The following SERPINB5 variants were observed in gnomAD, a reference collection of about 807,000 sequenced individuals.
SERPINB5 encodes serpin family B member 5, also known as serpin B5.
SERPINB5 carries 27 observed loss-of-function variants against 32.2 expected under a neutral mutation model. The observed-to-expected ratio is 0.84, with a 90% CI of 0.62 to 1.16. The LOEUF (loss-of-function observed/expected upper bound fraction) is 1.16. Ranked by LOEUF, SERPINB5 falls within the 50% of genes most tolerant of loss-of-function variation. The probability of loss-of-function intolerance (pLI) is 0.00; values close to 1 mark genes in which losing one functional copy is unlikely to be tolerated. For missense variants in SERPINB5, 388 were observed against 436.3 expected (o/e 0.89, Z 0.99); for synonymous variants, 154 against 157.4 (o/e 0.98, Z 0.16).
rs569614245 is a variant in SERPINB5 at position 63,504,103 on chromosome 18, T to C, written c.*381T>C. 4.5e-6 allele frequency: 1 copy of C among 221,702 alleles called. No individual in the cohort carries two copies. Among genetic ancestry groups the C allele is most frequent in the African/African-American group, 2.4e-5 (1 of 42,078 alleles). 13.7% of individuals were successfully genotyped at this position (221,702 alleles called of 1,614,324 possible). Reference sequence around the variant, plus strand: ...AGCACTATGCTTTCCTTCTTTGGGATAGAGAATGTTCCAGACATTCTCGCT... The same window carrying C: ...AGCACTATGCTTTCCTTCTTTGGGACAGAGAATGTTCCAGACATTCTCGCT... On this transcript the variant is annotated 3_prime_UTR_variant, in exon 7 of 7. Coordinates refer to ENST00000382771, the MANE Select transcript of SERPINB5 (RefSeq NM_002639.5).
At chr18:63,497,664 T>C (rs1055387232) in intron 5 of SERPINB5, among the ~76,000 whole-genome samples, 1 of 152,226 alleles carries the variant, frequency 6.6e-6, no homozygotes, top group African/African-American at 2.4e-5. Context: ...AACACCCATA[T>C]ACCGATCAAT....
At chr18:63,494,468 C>G (rs1467674135) in intron 5 of SERPINB5, among the ~76,000 whole-genome samples, 5 of 151,962 alleles carry the variant, frequency 3.3e-5, no homozygotes. Context: ...TGGGTGGGAT[C>G]TGACTTGTGT....
intron 1 of SERPINB5, among the ~76,000 whole-genome samples, chr18:63,482,502 T>C (rs887352353): frequency 6.6e-6 from 1 of 152,212 alleles, no homozygotes; most frequent in African/African-American, 2.4e-5. Context: ...TTCATTTCCC[T>C]TAGAAACATG....
chr18:63,484,739 A>ATTT, intron 2 of SERPINB5, 143 bp downstream of exon 2: 4 of 144,450 alleles, frequency 2.8e-5, no homozygotes, highest in South Asian at 1.1e-4. Context: ...GACTCTCTTA[A>ATTT]TCTTTTTTTT....
At position 63,503,689 on chromosome 18, in the gene SERPINB5, C is replaced by T; in HGVS notation, c.1095C>T (p.Asn365=). The T allele has an allele frequency of 2.5e-6, 4 of 1,614,188 alleles. No individual in the cohort carries two copies. The highest frequency in any genetic ancestry group is 3.4e-6 in the Non-Finnish European group (4 of 1,180,032). Residue 365 remains asparagine (N), a synonymous_variant, in exon 7 of 7, where the codon AAC becomes AAT. Transcript: ENST00000382771. ...TCATCAGGCACAACAAAACTCGAAA[C>T]ATTATTTTCTTTGGCAAATTCTGTT... The part of the protein sequence containing the change: ...IYIIRHNKTR[N]IIFFGKFCSP
chr18:63,493,155 G>T, intron 5 of SERPINB5, 60 bp downstream of exon 5: 1 of 1,604,874 alleles, frequency 6.2e-7, no homozygotes. Flanking sequence ...AAAATGATAG[G>T]GACAGAGTGG....
chr18:63,502,966 A>G (rs1909599612), intron 6 of SERPINB5, among the ~76,000 whole-genome samples: 1 of 152,070 alleles, frequency 6.6e-6, no homozygotes, highest in East Asian at 1.9e-4. Context: ...AGAGGTTGCA[A>G]TGAGCGACGA....
chr18:63,497,437 C>T (rs577052884), intron 5 of SERPINB5: 15 of 781,112 alleles, frequency 1.9e-5, no homozygotes, highest in African/African-American at 5.2e-5. Flanking sequence ...CCTGCTGCTG[C>T]GGCTGCACAC....
Position 63,503,505 on chromosome 18 carries a change from T to C in SERPINB5, c.911T>C (p.Phe304Ser), listed in dbSNP as rs2144513642. ...KHIFSEDTSD[F>S]SGMSETKGVA... ...ATCTTCAGTGAAGACACATCTGATT[T>C]CTCTGGAATGTCAGAGACCAAGGGA... Residue 304 changes from phenylalanine to serine, a missense_variant, in exon 7 of 7, where the codon TTC becomes TCC. Physicochemically the swap from Phe to Ser is radical, Grantham distance 155 (BLOSUM62 -2). Transcript: ENST00000382771. 1 of 1,614,230 alleles carries C rather than the reference T, an allele frequency of 6.2e-7. No individual in the cohort carries two copies. Among genetic ancestry groups the C allele is most frequent in the Non-Finnish European group, 8.5e-7 (1 of 1,180,032 alleles).
At chr18:63,499,015 G>GTA (rs200081849) in intron 5 of SERPINB5, 105 bp from the exon 6 acceptor site, 44,554 of 459,996 alleles carry the variant, frequency 0.097, 1,408 homozygotes, top group Admixed American at 0.12. Context: ...ATACATGTGG[G>GTA]TATATATGTG....
intron 4 of SERPINB5, among the ~76,000 whole-genome samples, chr18:63,490,154 T>C (rs185072043): frequency 6.6e-6 from 1 of 152,194 alleles, no homozygotes; most frequent in Non-Finnish European, 1.5e-5. Context: ...ATCGCGCCAC[T>C]GCACTCCAGC....
At chr18:63,486,879 G>T in intron 2 of SERPINB5, 67 bp from the exon 3 acceptor site, 3 of 1,549,118 alleles carry the variant, frequency 1.9e-6, no homozygotes, top group Non-Finnish European at 2.6e-6. Flanking sequence ...TCATTATCAC[G>T]TGTCCACTTC....
In SERPINB5 at chr18:63,503,877, A is replaced by G. The variant is rs964815601; in HGVS notation, c.*155A>G. 3.0e-6 allele frequency: 2 copies of G among 656,374 alleles called. No individual in the cohort carries two copies. Among genetic ancestry groups the G allele is most frequent in the Non-Finnish European group, 5.1e-6 (2 of 395,086 alleles). 40.7% of individuals were successfully genotyped at this position (656,374 alleles called of 1,614,324 possible). On this transcript the variant is annotated 3_prime_UTR_variant, in exon 7 of 7. Transcript: ENST00000382771. The stretch of plus-strand genomic sequence containing the variant: ...CTTGTCATATGTAGCCTTCACACAG[A>G]TAGACCTTTTTTTTTTTTCCAATTC...
In SERPINB5 at chr18:63,481,961, G is replaced by T. The variant is rs1917133445; in HGVS notation, c.-7-2461G>T. 3.9e-5 allele frequency among the ~76,000 whole-genome samples: 6 copies of T among 152,278 alleles called. No homozygotes were observed. The Middle Eastern group carries it at 0.01, about 259-fold the overall frequency. The stretch of plus-strand genomic sequence containing the variant: ...CCACCTGACTTCAGGGGGCCTCGTG[G>T]TATATTTGCAATGGGAACTGGCCTG... On this transcript the variant is annotated intron_variant, in intron 1 of 6. Coordinates refer to ENST00000382771, the MANE Select transcript of SERPINB5 (RefSeq NM_002639.5).
intron 6 of SERPINB5, among the ~76,000 whole-genome samples, chr18:63,501,047 C>A (rs1192961092): frequency 6.6e-6 from 1 of 151,246 alleles, no homozygotes; most frequent in Non-Finnish European, 1.5e-5. Context: ...ATTTATTTTT[C>A]TTTTTTTTAA....
intron 6 of SERPINB5, among the ~76,000 whole-genome samples, chr18:63,501,401 C>T (rs1599394942): frequency 6.6e-6 from 1 of 152,114 alleles, no homozygotes; most frequent in Non-Finnish European, 1.5e-5. Flanking sequence ...GCATAGTATT[C>T]CATGGTGTAT....
rs1185328117 is a variant in SERPINB5, at chr18:63,498,759, AT to A, written c.568-360del. Among the ~76,000 whole-genome samples, 1 of 151,496 alleles carries A rather than the reference AT, an allele frequency of 6.6e-6. No homozygotes were observed. The highest frequency in any genetic ancestry group is 1.5e-5 in the Non-Finnish European group (1 of 67,912). On this transcript the variant is annotated intron_variant, in intron 5 of 6. Transcript: ENST00000382771. This position sits in a 1 kb window ranked among gnomAD's most constrained non-coding sequence, Gnocchi z 4.2. Reference sequence around the variant, plus strand: ...CAAGAGCAAATTTGTGTATATATATATATGTACATATATATTTATGTGTTTG... The same window carrying A: ...CAAGAGCAAATTTGTGTATATATATAATGTACATATATATTTATGTGTTTG...
intron 2 of SERPINB5, among the ~76,000 whole-genome samples, chr18:63,485,081 A>G (rs1426944823): frequency 6.6e-6 from 1 of 152,128 alleles, no homozygotes; most frequent in Non-Finnish European, 1.5e-5. Flanking sequence ...CATCTGGGAC[A>G]GGCACCAGGC....
At chr18:63,501,970 A>G (rs1232269557) in intron 6 of SERPINB5, among the ~76,000 whole-genome samples, 1 of 152,084 alleles carries the variant, frequency 6.6e-6, no homozygotes, top group African/African-American at 2.4e-5. Context: ...GTAGATTGCA[A>G]AAATTTTCTC....
Sources: allele counts gnomAD v4.1 joint callset (sites outside exome capture counted in the v4.1 genomes callset), GRCh38; gene constraint gnomAD v4.1.1; non-coding constraint Gnocchi (gnomAD v3.1); transcripts MANE v1.5; gene names NCBI Gene and HGNC (gene_info 2026-07-23, HGNC 2026-07-21).